The following CRIM1 variants were observed in gnomAD, a reference collection of about 807,000 sequenced individuals.
CRIM1 encodes the protein cysteine-rich motor neuron 1 protein.
A neutral mutation model predicts 116.4 loss-of-function variants in CRIM1; 32 were observed. The observed-to-expected ratio is 0.27, with a 90% CI of 0.21 to 0.37. CRIM1 has a LOEUF of 0.37. Among genes scored for constraint, CRIM1 ranks in the 10% least tolerant of loss-of-function variants. The probability of loss-of-function intolerance (pLI) is 1.00; values close to 1 mark genes in which losing one functional copy is unlikely to be tolerated. For missense variants in CRIM1, 1,331 were observed against 1,354.8 expected (o/e 0.98, Z 0.28); for synonymous variants, 590 against 509.2 (o/e 1.16, Z -2.13).
intron 7 of CRIM1, among the ~76,000 whole-genome samples, chr2:36,497,307 T>C (rs556112412): frequency 4.6e-5 from 7 of 152,170 alleles, no homozygotes; most frequent in Non-Finnish European, 1.0e-4. Context: ...TGGGATAACC[T>C]GTGGTGGGTT....
At chr2:36,503,914 A>G (rs1241251000) in intron 8 of CRIM1, among the ~76,000 whole-genome samples, 1 of 151,882 alleles carries the variant, frequency 6.6e-6, no homozygotes, top group Non-Finnish European at 1.5e-5. Context: ...TTTGTTACCC[A>G]GATTGGAATT....
chr2:36,377,056 C>A (rs911840934), intron 1 of CRIM1, among the ~76,000 whole-genome samples: 1 of 152,288 alleles, frequency 6.6e-6, no homozygotes, highest in East Asian at 1.9e-4. Context: ...TGCCTCCCCC[C>A]ATGTGGGTTC....
At chr2:36,503,371 A>C (rs1225801995) in intron 8 of CRIM1, among the ~76,000 whole-genome samples, 1 of 152,236 alleles carries the variant, frequency 6.6e-6, no homozygotes, top group Non-Finnish European at 1.5e-5. Flanking sequence ...AAGGGCAAAT[A>C]ATAGTACCTA....
At chr2:36,475,983 AT>A (rs545199172) in intron 5 of CRIM1, among the ~76,000 whole-genome samples, 28 of 149,646 alleles carry the variant, frequency 1.9e-4, no homozygotes, top group Non-Finnish European at 3.4e-4. Flanking sequence ...TCTGCTAGTA[AT>A]TTTTTTTAAG....
At chr2:36,497,733 A>G (rs140054453) in intron 7 of CRIM1, among the ~76,000 whole-genome samples, 1 of 152,358 alleles carries the variant, frequency 6.6e-6, no homozygotes, top group Non-Finnish European at 1.5e-5. Flanking sequence ...TACTGGGAGA[A>G]TGCTGATCTA....
At chr2:36,408,313 C>G (rs1349927928) in intron 2 of CRIM1, among the ~76,000 whole-genome samples, 2 of 152,140 alleles carry the variant, frequency 1.3e-5, no homozygotes, top group Non-Finnish European at 2.9e-5. Flanking sequence ...CTGAGCACTC[C>G]TGCGCGTGTT....
intron 7 of CRIM1, among the ~76,000 whole-genome samples, chr2:36,483,064 C>A (rs1173389367): frequency 6.6e-6 from 1 of 152,174 alleles, no homozygotes; most frequent in Non-Finnish European, 1.5e-5. Context: ...GAATTCTTAG[C>A]AAGTTATTGT....
rs772688047 is a variant in CRIM1, at chr2:36,522,203, C to T, written c.2318C>T (p.Thr773Ile). 6.2e-7 allele frequency: 1 copy of T among 1,614,024 alleles called. No individual in the cohort carries two copies. Residue 773 changes from threonine to isoleucine, a missense_variant, in exon 13 of 17, where the codon ACC becomes ATC. Physicochemically the swap from Thr to Ile is moderately conservative, Grantham distance 89. Around this residue, in one of 3 missense-constraint regions of CRIM1, gnomAD observed 358 missense variants for 436.1 expected, o/e 0.82. Coordinates refer to ENST00000280527, the MANE Select transcript of CRIM1 (RefSeq NM_016441.3). ...GAGTCCTGGAAGCCTGACGTTTGTA[C>T]CAGCTGCATCTGCATTGATAGCGTA... Reference protein sequence around the residue: ...AAESWKPDVCTSCICIDSVIS... With the variant: ...AAESWKPDVCISCICIDSVIS...
chr2:36,470,625 AAG>A (rs1397167373), intron 5 of CRIM1, among the ~76,000 whole-genome samples: 4 of 152,150 alleles, frequency 2.6e-5, no homozygotes, highest in African/African-American at 7.2e-5. Flanking sequence ...TACTCAGAAA[AAG>A]AGATTTCTTC....
rs1413746682 is a variant in CRIM1 at position 36,548,770 on chromosome 2, A to G, written c.*69A>G. The stretch of plus-strand genomic sequence containing the variant: ...AAATCTGCTCTAAAAAGTAAACTAG[A>G]ATTTGTGCACTTGCTTAGTGGATTG... On this transcript the variant is annotated 3_prime_UTR_variant, in exon 17 of 17. Coordinates refer to ENST00000280527, the MANE Select transcript of CRIM1 (RefSeq NM_016441.3). 7.5e-7 allele frequency: 1 copy of G among 1,336,142 alleles called. No homozygotes were observed. Among genetic ancestry groups the G allele is most frequent in the South Asian group, 1.4e-5 (1 of 69,562 alleles). The allele number at this position is 1,336,142 out of a possible 1,614,324, so 82.8% of individuals were successfully genotyped here. A position where few individuals can be genotyped will look rare whatever the true frequency, so the allele number is the denominator to read the frequency against.
chr2:36,414,295 A>C (rs925257406), intron 2 of CRIM1, among the ~76,000 whole-genome samples: 1 of 152,230 alleles, frequency 6.6e-6, no homozygotes, highest in Non-Finnish European at 1.5e-5. Flanking sequence ...AAGTTAAATG[A>C]CACACAAAAG....
chr2:36,422,548 G>A (rs1324337187), intron 2 of CRIM1, among the ~76,000 whole-genome samples: 2 of 152,178 alleles, frequency 1.3e-5, no homozygotes, highest in Admixed American at 1.3e-4. Flanking sequence ...TCGCTCTTCA[G>A]ATTCACCATG....
At chr2:36,476,199 A>T (rs1558346254) in intron 5 of CRIM1, among the ~76,000 whole-genome samples, 1 of 152,288 alleles carries the variant, frequency 6.6e-6, no homozygotes, top group South Asian at 2.1e-4. Flanking sequence ...CTGAAGCACA[A>T]TGGAAGGAGC....
In CRIM1 at chr2:36,499,251, T is replaced by C; in HGVS notation, c.1405T>C (p.Cys469Arg). The stretch of plus-strand genomic sequence containing the variant: ...CATCATCACAGTTGATCCACCTGCA[T>C]GTGGGGAGTTATCAAACTGCACTCT... ...PTIITVDPPACGELSNCTLTG... is the reference protein window; with the variant it reads ...PTIITVDPPARGELSNCTLTG... The change falls in exon 8 of 17, where the codon TGT becomes CGT. Residue 469 changes from cysteine to arginine, a missense_variant. Cys to Arg is a radical substitution (Grantham distance 180, BLOSUM62 -3). Coordinates refer to ENST00000280527, the MANE Select transcript of CRIM1 (RefSeq NM_016441.3). 6.2e-7 allele frequency: 1 copy of C among 1,611,908 alleles called. No individual in the cohort carries two copies. Among genetic ancestry groups the C allele is most frequent in the Non-Finnish European group, 8.5e-7 (1 of 1,177,982 alleles).
intron 1 of CRIM1, among the ~76,000 whole-genome samples, chr2:36,386,683 G>A (rs562573451): frequency 3.9e-5 from 6 of 152,288 alleles, no homozygotes; most frequent in South Asian, 2.1e-4. Flanking sequence ...AAAGTAGATC[G>A]TTAGTTTCAA....
chr2:36,508,533 A>G (rs904054862), intron 8 of CRIM1, among the ~76,000 whole-genome samples: 7 of 152,200 alleles, frequency 4.6e-5, no homozygotes, highest in Non-Finnish European at 7.4e-5. Context: ...CATCATTCCA[A>G]TAATTAGACT....
At chr2:36,429,312 T>C (rs1674692275) in intron 2 of CRIM1, among the ~76,000 whole-genome samples, 1 of 152,188 alleles carries the variant, frequency 6.6e-6, no homozygotes, top group Admixed American at 6.5e-5. Flanking sequence ...TCCTGGAATA[T>C]GGGAGCAACA....
intron 12 of CRIM1, among the ~76,000 whole-genome samples, chr2:36,518,914 G>C (rs1252055227): frequency 1.3e-5 from 2 of 152,110 alleles, no homozygotes; most frequent in Admixed American, 6.5e-5. Flanking sequence ...TGAACTATGG[G>C]GATTCCAAGG....
Position 36,550,350 on chromosome 2 carries a change from G to A in CRIM1, c.*1649G>A, listed in dbSNP as rs929588363. The A allele has an allele frequency of 6.6e-6, 1 of 151,936 alleles. No individual in the cohort carries two copies. Among genetic ancestry groups the A allele is most frequent in the African/African-American group, 2.4e-5 (1 of 41,196 alleles). 9.4% of individuals were successfully genotyped at this position (151,936 alleles called of 1,614,324 possible). On this transcript the variant is annotated 3_prime_UTR_variant, in exon 17 of 17. Transcript: ENST00000280527. Reference sequence around the variant, plus strand: ...ATATAACTGACTGTATACTATAGTGGTAACTTTTCAAACAGCCCTTAGCAC... The same window carrying A: ...ATATAACTGACTGTATACTATAGTGATAACTTTTCAAACAGCCCTTAGCAC...
Sources: allele counts gnomAD v4.1 joint callset (sites outside exome capture counted in the v4.1 genomes callset), GRCh38; gene constraint gnomAD v4.1.1; regional missense constraint gnomAD v4.1.1; transcripts MANE v1.5; gene names NCBI Gene and HGNC (gene_info 2026-07-23, HGNC 2026-07-21).